Variants in PHF24 observed in about 807,000 individuals in gnomAD.
PHF24 encodes the protein PHD finger protein 24.
In PHF24, 25 loss-of-function variants were observed where a neutral mutation model predicts 42.6. The ratio of observed to expected loss-of-function variants is 0.59; its 90% CI spans 0.43 to 0.82. The LOEUF is 0.82. Among genes scored for constraint, PHF24 ranks in the 40% least tolerant of loss-of-function variants. The pLI is 0.00. For missense variants in PHF24, 470 were observed against 538.1 expected (o/e 0.87, Z 1.25); for synonymous variants, 185 against 204.8 (o/e 0.90, Z 0.83).
At chr9:34,702,682 T>A in the PHF24 span, among the ~76,000 whole-genome samples, 1 of 152,162 alleles carries the variant, frequency 6.6e-6, no homozygotes, top group Non-Finnish European at 1.5e-5. Context: ...CAGTGGCTCT[T>A]GCCTGTAATC....
the PHF24 span, among the ~76,000 whole-genome samples, chr9:34,688,471 T>C: frequency 6.6e-6 from 1 of 152,226 alleles, no homozygotes; most frequent in African/African-American, 2.4e-5. Context: ...TCTGGGGAGA[T>C]GTCTCTGGTC....
chr9:34,896,680 G>T, the PHF24 span, among the ~76,000 whole-genome samples: 2 of 152,114 alleles, frequency 1.3e-5, no homozygotes, highest in African/African-American at 4.8e-5. Context: ...ATAACTTTAG[G>T]CAGAGCAGGA....
chr9:34,835,467 C>A, the PHF24 span: 1 of 1,551,876 alleles, frequency 6.4e-7, no homozygotes, highest in Non-Finnish European at 8.7e-7. Flanking sequence ...GCAGGGAGGA[C>A]CATATGCAAG....
At chr9:34,866,332 CT>C in the PHF24 span, among the ~76,000 whole-genome samples, 2 of 152,148 alleles carry the variant, frequency 1.3e-5, no homozygotes, top group African/African-American at 4.8e-5. Context: ...TTTCTGTGTG[CT>C]TTTTCCCTCC....
At chr9:34,935,326 C>T in the PHF24 span, among the ~76,000 whole-genome samples, 19 of 152,162 alleles carry the variant, frequency 1.2e-4, no homozygotes, top group Admixed American at 7.2e-4. Context: ...TGGCTCATGC[C>T]TGTAATCCCA....
chr9:34,705,217 T>C, the PHF24 span, among the ~76,000 whole-genome samples: 17 of 152,374 alleles, frequency 1.1e-4, no homozygotes, highest in South Asian at 3.3e-3. Context: ...TCTATTTTTA[T>C]TGAAATATTT....
the PHF24 span, chr9:34,689,898 G>C: frequency 6.2e-7 from 1 of 1,613,966 alleles, no homozygotes; most frequent in African/African-American, 1.3e-5. This position sits in a 1 kb window ranked among gnomAD's most constrained non-coding sequence, Gnocchi z 4.1. Flanking sequence ...AGCTCAGAGG[G>C]AGGAGACAGG....
At chr9:34,723,960 G>A in the PHF24 span, 8 of 1,550,934 alleles carry the variant, frequency 5.2e-6, no homozygotes, top group Admixed American at 7.9e-5. Flanking sequence ...CAGGACCCTC[G>A]GGGTGTCTTG....
the PHF24 span, among the ~76,000 whole-genome samples, chr9:34,781,030 G>A: frequency 6.6e-6 from 1 of 152,218 alleles, no homozygotes; most frequent in Admixed American, 6.5e-5. Flanking sequence ...CGCATTGCCA[G>A]TGGGAATGTA....
At chr9:34,920,756 G>GTAA in the PHF24 span, among the ~76,000 whole-genome samples, 2 of 151,912 alleles carry the variant, frequency 1.3e-5, no homozygotes, top group African/African-American at 4.8e-5. Context: ...TATTTTATTT[G>GTAA]TAATAATGTA....
At chr9:34,776,660 A>G in the PHF24 span, among the ~76,000 whole-genome samples, 10 of 152,230 alleles carry the variant, frequency 6.6e-5, no homozygotes, top group African/African-American at 1.7e-4. Flanking sequence ...CTTCATCTAA[A>G]TCAATAATTT....
the PHF24 span, among the ~76,000 whole-genome samples, chr9:34,914,164 A>G: frequency 2.0e-5 from 3 of 152,092 alleles, no homozygotes; most frequent in Non-Finnish European, 2.9e-5. Flanking sequence ...CTCTTCCTCC[A>G]TCTGCTTTCC....
At chr9:34,857,205 T>A in the PHF24 span, among the ~76,000 whole-genome samples, 1 of 152,198 alleles carries the variant, frequency 6.6e-6, no homozygotes, top group South Asian at 2.1e-4. Flanking sequence ...CAGCTGGAAT[T>A]CCAAGCCAGT....
the PHF24 span, among the ~76,000 whole-genome samples, chr9:34,893,785 G>C: frequency 6.6e-6 from 1 of 152,106 alleles, no homozygotes; most frequent in African/African-American, 2.4e-5. Flanking sequence ...CTAGGAGAAC[G>C]GAGCCAGGCG....
chr9:34,756,211 T>G, the PHF24 span, among the ~76,000 whole-genome samples: 1 of 152,172 alleles, frequency 6.6e-6, no homozygotes. Flanking sequence ...GTGATTCTTG[T>G]GCCTCAGCCT....
chr9:34,860,298 C>A, the PHF24 span, among the ~76,000 whole-genome samples: 2,369 of 152,120 alleles, frequency 0.016, 60 homozygotes, highest in African/African-American at 0.054. Flanking sequence ...GTATATGGGC[C>A]CTCTTGCTCC....
the PHF24 span, among the ~76,000 whole-genome samples, chr9:34,729,671 G>A: frequency 6.6e-6 from 1 of 152,178 alleles, no homozygotes; most frequent in Non-Finnish European, 1.5e-5. Flanking sequence ...CACAAGCAGT[G>A]TCTATTTCCT....
the PHF24 span, among the ~76,000 whole-genome samples, chr9:34,690,546 A>G: frequency 6.6e-6 from 1 of 151,676 alleles, no homozygotes; most frequent in Non-Finnish European, 1.5e-5. Flanking sequence ...ACTGGTTGCT[A>G]AATATATTGT....
At chr9:34,881,867 C>G in the PHF24 span, among the ~76,000 whole-genome samples, 6 of 152,204 alleles carry the variant, frequency 3.9e-5, no homozygotes, top group Non-Finnish European at 8.8e-5. Context: ...TTTGATGAGG[C>G]CAGCATCATC....
Sources: allele counts gnomAD v4.1 joint callset (sites outside exome capture counted in the v4.1 genomes callset), GRCh38; gene constraint gnomAD v4.1.1; non-coding constraint Gnocchi (gnomAD v3.1); transcripts MANE v1.5; gene names NCBI Gene and HGNC (gene_info 2026-07-23, HGNC 2026-07-21).